The following AK5 variants were observed in gnomAD, a reference collection of about 807,000 sequenced individuals.
The protein encoded by AK5 is adenylate kinase 5.
Under a neutral mutation model 69.5 loss-of-function variants are expected in AK5, and 27 were observed. The ratio of observed to expected loss-of-function variants is 0.39; its 90% CI spans 0.29 to 0.54. AK5 has a LOEUF of 0.54. Among genes scored for constraint, AK5 ranks in the 20% least tolerant of loss-of-function variants. The pLI is 0.71. For missense variants in AK5, 531 were observed against 700.4 expected (o/e 0.76, Z 2.73); for synonymous variants, 260 against 244.4 (o/e 1.06, Z -0.60).
In AK5 at chr1:77,410,989, C is replaced by G. The variant is rs140334353; in HGVS notation, c.900C>G (p.Ala300=). 3 of 1,613,304 alleles carry G rather than the reference C, an allele frequency of 1.9e-6. No homozygotes were observed. The South Asian group carries it at 3.3e-5, about 18-fold the overall frequency. ...GTCCTGATTTCCCCCAGTTTGATGC[C>G]GACCGCGATGAGGATGAGGTGTTCT... ...QEKGLIMTFD[A]DRDEDEVFYD... Residue 300 remains alanine, a synonymous_variant, in exon 7 of 14, where the codon GCC becomes GCG. Coordinates refer to ENST00000354567, the MANE Select transcript of AK5 (RefSeq NM_174858.3).
intron 6 of AK5, among the ~76,000 whole-genome samples, chr1:77,378,151 G>A (rs1647366835): frequency 6.6e-6 from 1 of 152,124 alleles, no homozygotes; most frequent in East Asian, 1.9e-4. Context: ...AGCTGTTTGA[G>A]ACACAGCGCT....
At chr1:77,385,320 C>A (rs938011091) in intron 6 of AK5, among the ~76,000 whole-genome samples, 1 of 151,932 alleles carries the variant, frequency 6.6e-6, no homozygotes, top group Non-Finnish European at 1.5e-5. Context: ...CCACCACGCC[C>A]GGCTAATTTT....
At chr1:77,342,562 C>T (rs1457460386) in intron 6 of AK5, among the ~76,000 whole-genome samples, 1 of 152,090 alleles carries the variant, frequency 6.6e-6, no homozygotes, top group African/African-American at 2.4e-5. Context: ...CTAGTAAAGT[C>T]GCCTTTTGGA....
At chr1:77,477,486 T>A (rs1655017812) in intron 8 of AK5, among the ~76,000 whole-genome samples, 1 of 152,164 alleles carries the variant, frequency 6.6e-6, no homozygotes, top group Admixed American at 6.5e-5. Context: ...TAGACCAATT[T>A]AAATAGAAAT....
chr1:77,486,525 C>T (rs576876320), intron 10 of AK5, among the ~76,000 whole-genome samples, 173 bp downstream of exon 10: 1 of 151,950 alleles, frequency 6.6e-6, no homozygotes, highest in African/African-American at 2.4e-5. Context: ...GAAACCCCAT[C>T]TCTAGTAAAA....
intron 1 of AK5, chr1:77,283,355 AT>A: frequency 1.0e-6 from 1 of 985,436 alleles, no homozygotes; most frequent in Non-Finnish European, 1.2e-6. Context: ...GAAAGGAGAA[AT>A]CCATTCACTG....
intron 13 of AK5, among the ~76,000 whole-genome samples, chr1:77,538,238 C>T (rs1397739684): frequency 1.3e-5 from 2 of 151,326 alleles, no homozygotes; most frequent in African/African-American, 4.9e-5. Flanking sequence ...ACTTGGGAGA[C>T]TGAAATGGGA....
At chr1:77,441,863 G>A (rs939721698) in intron 8 of AK5, among the ~76,000 whole-genome samples, 3 of 152,140 alleles carry the variant, frequency 2.0e-5, no homozygotes, top group Admixed American at 6.5e-5. Context: ...GTATTGGGGT[G>A]CAGATTTGCT....
intron 8 of AK5, among the ~76,000 whole-genome samples, chr1:77,418,637 T>C (rs10873940): frequency 0.064 from 9,699 of 152,308 alleles, 387 homozygotes; most frequent in Middle Eastern, 0.1. Flanking sequence ...AATTAGGCTT[T>C]ATTTTTAAAA....
intron 6 of AK5, among the ~76,000 whole-genome samples, chr1:77,362,950 A>G (rs1325859524): frequency 2.0e-5 from 3 of 152,208 alleles, no homozygotes; most frequent in Non-Finnish European, 4.4e-5. Context: ...ATGAAGAAGA[A>G]TATTCAAACA....
intron 9 of AK5, among the ~76,000 whole-genome samples, chr1:77,485,150 G>C (rs1228444059): frequency 1.3e-5 from 2 of 152,174 alleles, no homozygotes; most frequent in African/African-American, 4.8e-5. Flanking sequence ...ACAATGTAAG[G>C]TGTTTCCTGT....
intron 6 of AK5, among the ~76,000 whole-genome samples, chr1:77,400,018 T>C (rs978716618): frequency 5.9e-5 from 9 of 152,218 alleles, no homozygotes; most frequent in African/African-American, 2.2e-4. Flanking sequence ...AAGGTTCTTC[T>C]GCCAACAACC....
intron 5 of AK5, among the ~76,000 whole-genome samples, chr1:77,320,921 A>G (rs1290242290): frequency 6.6e-6 from 1 of 152,210 alleles, no homozygotes; most frequent in African/African-American, 2.4e-5. Flanking sequence ...TATACCTAAT[A>G]AAAAGTTTCA....
At chr1:77,301,846 G>A (rs899546423) in intron 5 of AK5, among the ~76,000 whole-genome samples, 2 of 152,146 alleles carry the variant, frequency 1.3e-5, no homozygotes, top group Non-Finnish European at 2.9e-5. Context: ...GTTAGGCAGG[G>A]ATTGCAAAGG....
intron 10 of AK5, among the ~76,000 whole-genome samples, chr1:77,497,084 T>C (rs1656365347): frequency 6.6e-6 from 1 of 152,250 alleles, no homozygotes; most frequent in Non-Finnish European, 1.5e-5. Flanking sequence ...TGATCACTTT[T>C]TGGGTCTGCA....
chr1:77,512,242 TGAGAGAGAGAGAGACAGA>T (rs1295116420), intron 10 of AK5, among the ~76,000 whole-genome samples: 1 of 151,620 alleles, frequency 6.6e-6, no homozygotes, highest in African/African-American at 2.4e-5. Flanking sequence ...TGTGTGTGTG[TGAGAGAGAGAGAGACAGA>T]GAGAGAGAGA....
At chr1:77,455,106 G>A (rs963558617) in intron 8 of AK5, among the ~76,000 whole-genome samples, 4 of 152,086 alleles carry the variant, frequency 2.6e-5, no homozygotes, top group South Asian at 2.1e-4. Context: ...TAGTAAGCCC[G>A]TTTCATAGAT....
intron 5 of AK5, among the ~76,000 whole-genome samples, chr1:77,333,634 G>T (rs1661204901): frequency 6.6e-6 from 1 of 151,188 alleles, no homozygotes; most frequent in South Asian, 2.1e-4. Flanking sequence ...TGGCCCATGT[G>T]CCAAGTCCTA....
At chr1:77,529,156 T>C (rs570487386) in intron 12 of AK5, among the ~76,000 whole-genome samples, 1 of 152,312 alleles carries the variant, frequency 6.6e-6, no homozygotes, top group East Asian at 1.9e-4. Flanking sequence ...TTAATGTATG[T>C]TCTCCCCAAG....
Sources: gnomAD v4.1 joint callset for allele counts (sites outside exome capture counted in the v4.1 genomes callset) on GRCh38, gnomAD v4.1.1 for gene constraint, MANE v1.5 for transcripts, NCBI Gene and HGNC (gene_info 2026-07-23, HGNC 2026-07-21) for gene names.